Variants in SYN3 observed in about 807,000 individuals in gnomAD.
SYN3 encodes the protein synapsin-3.
SYN3 carries 35 observed loss-of-function variants against 65.8 expected under a neutral mutation model. The ratio of observed to expected loss-of-function variants is 0.53; its 90% CI spans 0.41 to 0.70. The LOEUF is 0.70. Ranked by LOEUF, SYN3 falls within the 30% of genes least tolerant of loss-of-function variation. The pLI is 0.00. For synonymous variants in SYN3, 270 were observed against 292.9 expected (o/e 0.92, Z 0.80); for missense variants, 680 against 749.0 (o/e 0.91, Z 1.08).
intron 6 of SYN3, among the ~76,000 whole-genome samples, chr22:32,668,162 G>A (rs1213362025): frequency 1.3e-5 from 2 of 152,168 alleles, no homozygotes; most frequent in African/African-American, 4.8e-5. Context: ...CACAAGGAGT[G>A]ATATAAATGT....
intron 6 of SYN3, among the ~76,000 whole-genome samples, chr22:32,741,314 ATTCAGACCC>A: frequency 6.8e-6 from 1 of 147,120 alleles, no homozygotes; most frequent in South Asian, 2.2e-4. Flanking sequence ...CAAAGCTGGG[ATTCAGACCC>A]AAGCATTCTG....
intron 7 of SYN3, among the ~76,000 whole-genome samples, chr22:32,554,563 T>C (rs1336746104): frequency 2.6e-5 from 4 of 152,100 alleles, no homozygotes; most frequent in African/African-American, 9.7e-5. Context: ...AGTCACCTGC[T>C]CTGTAACCGT....
At chr22:32,627,561 C>G (rs1025376081) in intron 6 of SYN3, among the ~76,000 whole-genome samples, 5 of 152,076 alleles carry the variant, frequency 3.3e-5, no homozygotes, top group African/African-American at 1.2e-4. Flanking sequence ...AGAGACACCT[C>G]CCAAACCTAA....
chr22:32,516,642 A>G (rs2057782338), intron 13 of SYN3, among the ~76,000 whole-genome samples: 1 of 152,234 alleles, frequency 6.6e-6, no homozygotes, highest in African/African-American at 2.4e-5. Flanking sequence ...TTGGGATTAC[A>G]GGCATGAGCC....
intron 6 of SYN3, among the ~76,000 whole-genome samples, chr22:32,733,284 G>A (rs59527943): frequency 0.02 from 3,071 of 152,296 alleles, 89 homozygotes; most frequent in African/African-American, 0.066. Flanking sequence ...AAGGGGTGGG[G>A]TGGAAAGAGG....
chr22:32,949,244 T>C (rs1220884826), intron 3 of SYN3, among the ~76,000 whole-genome samples: 1 of 151,914 alleles, frequency 6.6e-6, no homozygotes, highest in Non-Finnish European at 1.5e-5. Context: ...AAGACCCTTA[T>C]ATCTTTTTAA....
Position 32,611,275 on chromosome 22 carries a change from TTTTTTTTTG to T in SYN3, c.712-14548_712-14540del, listed in dbSNP as rs1482918485. ...GAGAGCAGAGGGCTTCAGCTAGAGT[TTTTTTTTTG>T]TTTTTTTTTTTTTTTTTTTTTGTGG... On this transcript the variant is annotated intron_variant, in intron 6 of 13. Coordinates refer to ENST00000358763, the MANE Select transcript of SYN3 (RefSeq NM_003490.4). Among the ~76,000 whole-genome samples the T allele has an allele frequency of 9.1e-5, 9 of 99,042 alleles. 1 individual carries two copies. The highest frequency in any genetic ancestry group is 4.1e-4 in the South Asian group (1 of 2,458). 65.0% of individuals were successfully genotyped at this position (99,042 alleles called of 152,430 possible). A position where few individuals can be genotyped will look rare whatever the true frequency, so the allele number is the denominator to read the frequency against.
chr22:32,961,673 G>C (rs1230521411), intron 3 of SYN3, among the ~76,000 whole-genome samples: 1 of 152,266 alleles, frequency 6.6e-6, no homozygotes, highest in African/African-American at 2.4e-5. Context: ...CTGCTGTGCA[G>C]AGAAAGATAA....
At chr22:33,006,205 G>T in intron 2 of SYN3, 147 bp downstream of exon 2, 1 of 869,570 alleles carries the variant, frequency 1.1e-6, no homozygotes, top group Non-Finnish European at 1.7e-6. Flanking sequence ...GCAGCCACTT[G>T]GTACATGTTA....
chr22:32,837,083 A>T lies in SYN3; in HGVS notation c.711+27832T>A, dbSNP rs1260072865. ...AGCTCTCCTAGCAAACAAAATCCCA[A>T]TTAGGAGAAAAATAAAATGCTATAG... On this transcript the variant is annotated intron_variant, in intron 6 of 13. Transcript: ENST00000358763. This position sits in a 1 kb window ranked among gnomAD's most constrained non-coding sequence, Gnocchi z 4.1. 6.6e-6 allele frequency among the ~76,000 whole-genome samples: 1 copy of T among 152,148 alleles called. No individual in the cohort carries two copies. The highest frequency in any genetic ancestry group is 1.5e-5 in the Non-Finnish European group (1 of 68,026).
At chr22:32,832,099 C>T (rs1183571473) in intron 6 of SYN3, among the ~76,000 whole-genome samples, 1 of 152,128 alleles carries the variant, frequency 6.6e-6, no homozygotes, top group Non-Finnish European at 1.5e-5. Context: ...TTGTTTCTGT[C>T]CCCAGTTTTG....
chr22:32,996,830 G>A (rs2052893903), intron 2 of SYN3, among the ~76,000 whole-genome samples: 1 of 152,204 alleles, frequency 6.6e-6, no homozygotes, highest in Non-Finnish European at 1.5e-5. Context: ...AGCTCTGGCT[G>A]CCCGGAGGGC....
intron 6 of SYN3, chr22:32,857,250 T>G (rs1307995319): frequency 1.9e-6 from 3 of 1,612,762 alleles, no homozygotes; most frequent in Non-Finnish European, 2.5e-6. Context: ...TGCCCACAGA[T>G]GTACCGAGGC....
chr22:32,931,552 G>T, intron 3 of SYN3, 71 bp from the exon 4 acceptor site: 2 of 1,068,614 alleles, frequency 1.9e-6, no homozygotes, highest in African/African-American at 1.5e-5. Flanking sequence ...AACACATATT[G>T]GGTACTTAGA....
chr22:32,796,257 T>A (rs1254336453), intron 6 of SYN3, among the ~76,000 whole-genome samples: 2 of 152,186 alleles, frequency 1.3e-5, no homozygotes, highest in East Asian at 3.9e-4. Flanking sequence ...CTGGAATATT[T>A]GACTCTGCTT....
chr22:32,627,222 G>A (rs2059680696), intron 6 of SYN3, among the ~76,000 whole-genome samples: 1 of 151,900 alleles, frequency 6.6e-6, no homozygotes, highest in Non-Finnish European at 1.5e-5. Context: ...GTGCACCACA[G>A]CATTCTGAAC....
intron 6 of SYN3, among the ~76,000 whole-genome samples, chr22:32,677,412 AT>A (rs1356149912): frequency 6.6e-6 from 1 of 152,186 alleles, no homozygotes; most frequent in Non-Finnish European, 1.5e-5. Context: ...ATAAATCCTC[AT>A]TGGTAGGGGA....
intron 7 of SYN3, among the ~76,000 whole-genome samples, chr22:32,545,951 A>T (rs1187863216): frequency 6.6e-6 from 1 of 152,060 alleles, no homozygotes; most frequent in Non-Finnish European, 1.5e-5. Flanking sequence ...TTTTAAAGAG[A>T]CAGGGTCTCA....
At position 32,884,092 on chromosome 22, in the gene SYN3, G is replaced by A. The variant is rs970517040; in HGVS notation, c.462-14967C>T. Among the ~76,000 whole-genome samples, 8 of 152,298 alleles carry A rather than the reference G, an allele frequency of 5.3e-5. No homozygotes were observed. The South Asian group carries it at 1.7e-3, about 32-fold the overall frequency. On this transcript the variant is annotated intron_variant, in intron 4 of 13. Transcript: ENST00000358763. ...TATACTCATACCAGCCAAGAAACAC[G>A]TCAGCATGCAGCTACCATGTAAAAC...
Sources: allele counts gnomAD v4.1 joint callset (sites outside exome capture counted in the v4.1 genomes callset), GRCh38; gene constraint gnomAD v4.1.1; non-coding constraint Gnocchi (gnomAD v3.1); transcripts MANE v1.5; gene names NCBI Gene and HGNC (gene_info 2026-07-23, HGNC 2026-07-21).